SLC2A12: variants seen among roughly 807,000 people sequenced by gnomAD.
SLC2A12 encodes the protein solute carrier family 2, facilitated glucose transporter member 12.
Under a neutral mutation model 41.8 loss-of-function variants are expected in SLC2A12, and 23 were observed. The ratio of observed to expected loss-of-function variants is 0.55; its 90% CI spans 0.40 to 0.78. SLC2A12 has a LOEUF of 0.78. Among genes scored for constraint, SLC2A12 ranks in the 30% least tolerant of loss-of-function variants. The probability of loss-of-function intolerance (pLI) is 0.00; values close to 1 mark genes in which losing one functional copy is unlikely to be tolerated. For missense variants in SLC2A12, 654 were observed against 745.6 expected (o/e 0.88, Z 1.43); for synonymous variants, 295 against 285.9 (o/e 1.03, Z -0.32).
At chr6:134,016,204 T>C (rs1174136314) in intron 2 of SLC2A12, among the ~76,000 whole-genome samples, 1 of 151,948 alleles carries the variant, frequency 6.6e-6, no homozygotes, top group Admixed American at 6.6e-5. Flanking sequence ...GAGATAGAGA[T>C]AGTGTCACCC....
chr6:134,022,531 CAAAAA>C (rs1289580858), intron 2 of SLC2A12, among the ~76,000 whole-genome samples: 2 of 116,596 alleles, frequency 1.7e-5, no homozygotes, highest in South Asian at 2.7e-4. Context: ...AACTCCATCT[CAAAAA>C]AGAAAAGAAA....
intron 2 of SLC2A12, among the ~76,000 whole-genome samples, chr6:134,022,436 C>T (rs1777052353): frequency 6.6e-6 from 1 of 152,004 alleles, no homozygotes; most frequent in Non-Finnish European, 1.5e-5. Context: ...GAGGCTGAGG[C>T]AGGAGAATCT....
At chr6:134,018,338 C>A (rs1449791663) in intron 2 of SLC2A12, among the ~76,000 whole-genome samples, 1 of 152,138 alleles carries the variant, frequency 6.6e-6, no homozygotes, top group Admixed American at 6.6e-5. Flanking sequence ...GATACAATTG[C>A]CCTGTTTTCT....
intron 1 of SLC2A12, among the ~76,000 whole-genome samples, chr6:134,043,984 C>G (rs1777421147): frequency 6.6e-6 from 1 of 152,032 alleles, no homozygotes; most frequent in Admixed American, 6.6e-5. Context: ...GAACTCTGTG[C>G]TCCCAGAATT....
chr6:134,016,869 TA>T (rs1171402899), intron 2 of SLC2A12, among the ~76,000 whole-genome samples: 4 of 152,222 alleles, frequency 2.6e-5, no homozygotes, highest in Non-Finnish European at 4.4e-5. Context: ...TCTATTGAAA[TA>T]TTTCTATAAC....
rs748592566 is a variant in SLC2A12 at position 133,989,718 on chromosome 6, G to C, written c.*1437C>G. On this transcript the variant is annotated 3_prime_UTR_variant, in exon 5 of 5. Coordinates refer to ENST00000275230, the MANE Select transcript of SLC2A12 (RefSeq NM_145176.3). ...CTGATATAGTTTTACTACTTACATA[G>C]GTTTATAGTCTCTCCACATTGTTAT... is the stretch of plus-strand genomic sequence containing the variant. 6 of 152,036 alleles carry C rather than the reference G, an allele frequency of 3.9e-5. No individual in the cohort carries two copies. Among genetic ancestry groups the C allele is most frequent in the Non-Finnish European group, 8.8e-5 (6 of 68,020 alleles). 9.4% of individuals were successfully genotyped at this position (152,036 alleles called of 1,614,324 possible).
At chr6:134,032,895 A>T (rs981369762) in intron 1 of SLC2A12, among the ~76,000 whole-genome samples, 1 of 146,998 alleles carries the variant, frequency 6.8e-6, no homozygotes, top group Non-Finnish European at 1.5e-5. Context: ...TAAATAACTT[A>T]ATTTTTGGTG....
chr6:134,013,605 T>A (rs1337252203), intron 2 of SLC2A12, among the ~76,000 whole-genome samples: 1 of 152,198 alleles, frequency 6.6e-6, no homozygotes, highest in Non-Finnish European at 1.5e-5. Context: ...ATGAAAATGA[T>A]TGTTCTCAAG....
chr6:133,993,582 G>A (rs1407183492), intron 4 of SLC2A12, among the ~76,000 whole-genome samples: 2 of 152,212 alleles, frequency 1.3e-5, no homozygotes, highest in African/African-American at 4.8e-5. Flanking sequence ...AAATTCCCTG[G>A]CTTCATGGAA....
chr6:133,995,236 G>A (rs1776672523), intron 4 of SLC2A12, among the ~76,000 whole-genome samples: 1 of 152,088 alleles, frequency 6.6e-6, no homozygotes, highest in Non-Finnish European at 1.5e-5. Flanking sequence ...GATGGAGAAA[G>A]AATCATAGCA....
chr6:133,992,636 A>T (rs900775931), intron 4 of SLC2A12, among the ~76,000 whole-genome samples: 2 of 152,160 alleles, frequency 1.3e-5, no homozygotes, highest in African/African-American at 4.8e-5. Flanking sequence ...TGCCTGAGTG[A>T]TGGAGGGAGA....
chr6:134,028,547 C>T lies in SLC2A12; in HGVS notation c.1278G>A (p.Val426=). ...RSSLMPLRND[V]DKRGETTSAS... ...CTGAGGTCGTCTCCCCTCTCTTATC[C>T]ACATCATTTCTCAGGGGCATGAGTG... Residue 426 remains valine, a synonymous_variant, in exon 2 of 5, where the codon GTG becomes GTA. Coordinates refer to ENST00000275230, the MANE Select transcript of SLC2A12 (RefSeq NM_145176.3). 1 of 1,614,178 alleles carries T rather than the reference C, an allele frequency of 6.2e-7. No homozygotes were observed. The highest frequency in any genetic ancestry group is 1.3e-5 in the African/African-American group (1 of 75,044).
chr6:134,044,246 G>A (rs148334787), intron 1 of SLC2A12, among the ~76,000 whole-genome samples: 349 of 152,116 alleles, frequency 2.3e-3, no homozygotes, highest in Non-Finnish European at 3.6e-3. Flanking sequence ...ATCCCTCATC[G>A]CTCTCCACTA....
intron 1 of SLC2A12, among the ~76,000 whole-genome samples, chr6:134,041,469 A>C (rs2811679): frequency 0.58 from 87,603 of 151,584 alleles, 26,199 homozygotes; most frequent in African/African-American, 0.74. Flanking sequence ...GGCAACAAAG[A>C]AAGTTGTGTC....
chr6:134,044,108 G>A (rs1228413703), intron 1 of SLC2A12, among the ~76,000 whole-genome samples: 6 of 152,072 alleles, frequency 3.9e-5, no homozygotes, highest in African/African-American at 4.8e-5. Context: ...ACACGTGCTC[G>A]GCTCAACTTA....
chr6:134,034,021 G>GC (rs753756604), intron 1 of SLC2A12, among the ~76,000 whole-genome samples: 7 of 152,094 alleles, frequency 4.6e-5, no homozygotes, highest in Non-Finnish European at 7.4e-5. Context: ...GGGTCTGGAA[G>GC]CCATCCCAGT....
At chr6:134,010,452 G>A in intron 2 of SLC2A12, among the ~76,000 whole-genome samples, 1 of 152,126 alleles carries the variant, frequency 6.6e-6, no homozygotes. Flanking sequence ...GCAGCCACTG[G>A]AGTTCAGCAG....
chr6:134,032,792 T>TATTATA (rs140895311), intron 1 of SLC2A12, among the ~76,000 whole-genome samples: 5 of 138,018 alleles, frequency 3.6e-5, no homozygotes, highest in East Asian at 2.0e-4. Flanking sequence ...TATATATATA[T>TATTATA]TATATATATA....
intron 2 of SLC2A12, among the ~76,000 whole-genome samples, chr6:134,026,058 A>G (rs1439465910): frequency 6.6e-6 from 1 of 152,218 alleles, no homozygotes; most frequent in Non-Finnish European, 1.5e-5. Flanking sequence ...AATGTCTCTC[A>G]TATTGATCTC....
Sources: gnomAD v4.1 joint callset for allele counts (sites outside exome capture counted in the v4.1 genomes callset) on GRCh38, gnomAD v4.1.1 for gene constraint, MANE v1.5 for transcripts, NCBI Gene and HGNC (gene_info 2026-07-23, HGNC 2026-07-21) for gene names.